Variants in HMGXB4 observed in about 807,000 individuals in gnomAD.
The protein encoded by HMGXB4 is HMG domain-containing protein 4.
A neutral mutation model predicts 63.9 loss-of-function variants in HMGXB4; 27 were observed. The observed-to-expected ratio is 0.42, with a 90% CI of 0.31 to 0.58. HMGXB4 has a LOEUF of 0.58. Among genes scored for constraint, HMGXB4 ranks in the 20% least tolerant of loss-of-function variants. The pLI, the probability that HMGXB4 is intolerant of heterozygous loss-of-function variation, is 0.13. For missense variants in HMGXB4, 624 were observed against 700.7 expected (o/e 0.89, Z 1.24); for synonymous variants, 264 against 265.3 (o/e 0.99, Z 0.05).
chr22:35,281,706 A>G (rs1439960884), intron 5 of HMGXB4, among the ~76,000 whole-genome samples: 1 of 152,234 alleles, frequency 6.6e-6, no homozygotes, highest in African/African-American at 2.4e-5. Flanking sequence ...AAGATTTGGC[A>G]GTGTGTAGAC....
intron 7 of HMGXB4, among the ~76,000 whole-genome samples, chr22:35,286,614 C>T (rs998133018): frequency 2.0e-5 from 3 of 152,154 alleles, no homozygotes; most frequent in African/African-American, 7.2e-5. Flanking sequence ...CTTTGGGAGG[C>T]TGAGGCGGTG....
chr22:35,263,304 T>G (rs1053102440), intron 3 of HMGXB4, 78 bp downstream of exon 3: 24 of 1,228,998 alleles, frequency 2.0e-5, no homozygotes, highest in South Asian at 8.7e-5. Flanking sequence ...TTTTTTGTTT[T>G]TTTTTTTTTT....
intron 2 of HMGXB4, 71 bp downstream of exon 2, chr22:35,262,492 G>C (rs1922925338): frequency 4.8e-6 from 7 of 1,465,688 alleles, no homozygotes; most frequent in Non-Finnish European, 6.7e-6. Context: ...CATGGATATA[G>C]AGACCAGGAC....
At position 35,288,435 on chromosome 22, in the gene HMGXB4, A is replaced by G. The variant is rs775869128; in HGVS notation, c.1638+28A>G. The stretch of plus-strand genomic sequence containing the variant: ...GAATACAACTATCAGCAGCATGACT[A>G]CAGTTTCCCATATAGTTTCCCATAT... On this transcript the variant is annotated intron_variant, in intron 9 of 10. Transcript: ENST00000216106. 9 of 1,524,920 alleles carry G rather than the reference A, an allele frequency of 5.9e-6. No individual in the cohort carries two copies. In the South Asian group the frequency reaches 8.8e-5, roughly 15 times the overall value. The allele number at this position is 1,524,920 out of a possible 1,614,324, so 94.5% of individuals were successfully genotyped here. A position where few individuals can be genotyped will look rare whatever the true frequency, so the allele number is the denominator to read the frequency against.
intron 10 of HMGXB4, among the ~76,000 whole-genome samples, chr22:35,293,359 T>C (rs1342522250): frequency 3.3e-5 from 5 of 152,246 alleles, no homozygotes; most frequent in Non-Finnish European, 7.3e-5. Flanking sequence ...CTACAATTCC[T>C]GTGTTTCCTG....
At chr22:35,262,635 T>C (rs1428002780) in intron 2 of HMGXB4, 14 of 589,518 alleles carry the variant, frequency 2.4e-5, no homozygotes, top group Middle Eastern at 4.6e-4. Context: ...GTCTGAAATA[T>C]GAGTCTCTTA....
chr22:35,241,543 G>A, the HMGXB4 span, among the ~76,000 whole-genome samples: 1 of 152,182 alleles, frequency 6.6e-6, no homozygotes, highest in Non-Finnish European at 1.5e-5. Context: ...GATGGATCCC[G>A]GTGGTGCCAG....
intron 5 of HMGXB4, among the ~76,000 whole-genome samples, chr22:35,275,758 T>A (rs896379915): frequency 3.9e-5 from 6 of 152,200 alleles, no homozygotes; most frequent in African/African-American, 1.4e-4. Context: ...AGTTACTTTT[T>A]GAATATTCTT....
chr22:35,267,108 A>G (rs1358049450), intron 5 of HMGXB4, among the ~76,000 whole-genome samples: 2 of 148,516 alleles, frequency 1.3e-5, no homozygotes, highest in African/African-American at 4.9e-5. Context: ...GTTTATATCT[A>G]TCTGTAGATC....
At chr22:35,279,423 G>C (rs998903075) in intron 5 of HMGXB4, among the ~76,000 whole-genome samples, 1 of 152,066 alleles carries the variant, frequency 6.6e-6, no homozygotes, top group South Asian at 2.1e-4. Context: ...ACAGGCGTGA[G>C]CCACTGCGCC....
intron 5 of HMGXB4, among the ~76,000 whole-genome samples, chr22:35,274,099 A>C (rs78672767): frequency 6.6e-6 from 1 of 152,314 alleles, no homozygotes; most frequent in Admixed American, 6.5e-5. Flanking sequence ...AGTCTAGTAA[A>C]AGGTTGGAAA....
intron 8 of HMGXB4, 27 bp from the exon 9 acceptor site, chr22:35,288,211 C>T (rs755966646): frequency 5.6e-6 from 8 of 1,419,468 alleles, no homozygotes; most frequent in Non-Finnish European, 7.4e-6. Context: ...CAAGTTTTAC[C>T]TGTCTGCCTC....
chr22:35,267,525 TA>T (rs1333439645), intron 5 of HMGXB4, among the ~76,000 whole-genome samples: 1 of 152,166 alleles, frequency 6.6e-6, no homozygotes, highest in Admixed American at 6.5e-5. Context: ...GTAAAATAAC[TA>T]TAACTGAACT....
chr22:35,265,230 A>G lies in HMGXB4; in HGVS notation c.842A>G (p.Asn281Ser), dbSNP rs540103611. Residue 281 changes from asparagine (N) to serine (S), a missense_variant, in exon 5 of 11, where the codon AAC becomes AGC. Asn to Ser is a conservative substitution (Grantham distance 46). Transcript: ENST00000216106. ...CAGTTCGCAGAGTCCCACAGTGCTAACCTTGATCTTTCAGGGCTTGAACCT... is the reference window on the plus strand; with the variant it reads ...CAGTTCGCAGAGTCCCACAGTGCTAGCCTTGATCTTTCAGGGCTTGAACCT... The part of the protein sequence containing the change: ...ASQFAESHSA[N>S]LDLSGLEPIL... 2 of 1,614,158 alleles carry G rather than the reference A, an allele frequency of 1.2e-6. No homozygotes were observed. Among genetic ancestry groups the G allele is most frequent in the African/African-American group, 2.7e-5 (2 of 75,028 alleles).
chr22:35,280,064 T>A (rs1201645429), intron 5 of HMGXB4, among the ~76,000 whole-genome samples: 1 of 152,180 alleles, frequency 6.6e-6, no homozygotes, highest in African/African-American at 2.4e-5. Flanking sequence ...CCTGCTATGG[T>A]CAGGCCCAGT....
chr22:35,262,885 G>C (rs926369030), intron 2 of HMGXB4, 193 bp from the exon 3 acceptor site: 2 of 610,776 alleles, frequency 3.3e-6, no homozygotes, highest in Non-Finnish European at 5.7e-6. Flanking sequence ...CTTCAGGTTT[G>C]ATTCTTGTAT....
chr22:35,291,186 C>T (rs1407522918), intron 9 of HMGXB4, among the ~76,000 whole-genome samples: 2 of 151,812 alleles, frequency 1.3e-5, no homozygotes, highest in African/African-American at 4.8e-5. Context: ...TCGCTTGAAC[C>T]GGGAGGTGGA....
intron 5 of HMGXB4, among the ~76,000 whole-genome samples, chr22:35,277,854 C>G (rs1180245688): frequency 6.6e-6 from 1 of 152,184 alleles, no homozygotes; most frequent in African/African-American, 2.4e-5. Flanking sequence ...CCTACATTGA[C>G]ACATCATTAT....
intron 5 of HMGXB4, among the ~76,000 whole-genome samples, chr22:35,273,504 G>T (rs1923730655): frequency 6.6e-6 from 1 of 152,142 alleles, no homozygotes; most frequent in Admixed American, 6.5e-5. Context: ...CTTAGCACAG[G>T]GCATGGCTTA....
Sources: allele counts gnomAD v4.1 joint callset (sites outside exome capture counted in the v4.1 genomes callset), GRCh38; gene constraint gnomAD v4.1.1; transcripts MANE v1.5; gene names NCBI Gene and HGNC (gene_info 2026-07-23, HGNC 2026-07-21).